Variants in PLEKHM3 observed in about 807,000 individuals in gnomAD.
PLEKHM3 encodes pleckstrin homology domain containing M3.
A neutral mutation model predicts 81.8 loss-of-function variants in PLEKHM3; 45 were observed. That is an observed-to-expected ratio of 0.55 (90% CI 0.43 to 0.71). PLEKHM3 has a LOEUF of 0.71. PLEKHM3 is among the 30% of genes least tolerant of loss of function. PLEKHM3 has a pLI of 0.00. For missense variants in PLEKHM3, 788 were observed against 924.3 expected (o/e 0.85, Z 1.91); for synonymous variants, 352 against 356.4 (o/e 0.99, Z 0.14).
rs760295595 is a variant in PLEKHM3, at chr2:207,861,252, C to T, written c.1961G>A (p.Gly654Glu). Residue 654 changes from glycine (G) to glutamate (E), a missense_variant, in exon 7 of 8, where the codon GGA becomes GAA. By Grantham distance (98) the Gly-to-Glu change is moderately conservative. Coordinates refer to ENST00000427836, the MANE Select transcript of PLEKHM3 (RefSeq NM_001080475.3). The part of the protein sequence containing the change: ...SLADLQQVIE[G>E]KLAPFLGKVI... The stretch of plus-strand genomic sequence containing the variant: ...CTTGCCCAAGAATGGAGCCAGCTTT[C>T]CCTCTATTACCTGCAGAAAGAGAAA... The T allele has an allele frequency of 3.1e-6, 5 of 1,613,916 alleles. 1 individual carries two copies. The South Asian group carries it at 5.5e-5, about 18-fold the overall frequency.
At chr2:207,899,701 C>T (rs1040949359) in intron 6 of PLEKHM3, among the ~76,000 whole-genome samples, 4 of 152,120 alleles carry the variant, frequency 2.6e-5, no homozygotes, top group Admixed American at 2.6e-4. Context: ...ACTCATTCTA[C>T]GAATGTTTTG....
rs2092224084 is a variant in PLEKHM3, at chr2:207,822,512, A to G, written c.*5807T>C. On this transcript the variant is annotated 3_prime_UTR_variant, in exon 8 of 8. Coordinates refer to ENST00000427836, the MANE Select transcript of PLEKHM3 (RefSeq NM_001080475.3). ...ACAAAAAGAGCGATTGAAGAACAGC[A>G]TAAAACAAAGTGAAAACATTATGTG... The G allele has an allele frequency of 6.5e-6, 1 of 153,100 alleles. No individual in the cohort carries two copies. The allele number at this position is 153,100 out of a possible 1,614,324, so 9.5% of individuals were successfully genotyped here.
At chr2:207,963,254 T>C (rs553872687) in intron 3 of PLEKHM3, among the ~76,000 whole-genome samples, 2 of 151,850 alleles carry the variant, frequency 1.3e-5, no homozygotes, top group South Asian at 4.2e-4. Context: ...GGCTCTAAGG[T>C]GGGTGAGCAG....
rs35082335 is a variant in PLEKHM3 at position 207,889,434 on chromosome 2, AACACACACAC to A, written c.1950+19070_1950+19079del. On this transcript the variant is annotated intron_variant, in intron 6 of 7. Coordinates refer to ENST00000427836, the MANE Select transcript of PLEKHM3 (RefSeq NM_001080475.3). ...TAAGAGCAGACAGGAGGTTTTTTTC[AACACACACAC>A]ACACACACACACACACACACACACA... Among the ~76,000 whole-genome samples, 412 of 129,236 alleles carry A rather than the reference AACACACACAC, an allele frequency of 3.2e-3. 4 individuals are homozygous for A. The highest frequency in any genetic ancestry group is 9.5e-3 in the African/African-American group (326 of 34,420). The allele number at this position is 129,236 out of a possible 152,430, so 84.8% of individuals were successfully genotyped here.
intron 7 of PLEKHM3, among the ~76,000 whole-genome samples, chr2:207,854,487 C>T (rs1339286937): frequency 6.6e-6 from 1 of 152,140 alleles, no homozygotes; most frequent in East Asian, 1.9e-4. Flanking sequence ...TTATTTATCA[C>T]ATTTATTTAT....
At chr2:207,866,079 T>G (rs1447203866) in intron 6 of PLEKHM3, among the ~76,000 whole-genome samples, 2 of 151,984 alleles carry the variant, frequency 1.3e-5, no homozygotes, top group Non-Finnish European at 2.9e-5. Context: ...GTCTTTTTTC[T>G]TAGATCCATC....
chr2:207,923,334 G>A (rs1689249179), intron 5 of PLEKHM3, among the ~76,000 whole-genome samples: 1 of 152,198 alleles, frequency 6.6e-6, no homozygotes, highest in South Asian at 2.1e-4. Flanking sequence ...ATAGCTAGGT[G>A]CGGTGGCTCA....
At chr2:207,990,897 G>A (rs1461530882) in intron 2 of PLEKHM3, among the ~76,000 whole-genome samples, 2 of 152,106 alleles carry the variant, frequency 1.3e-5, no homozygotes. Context: ...ACCTATGTCA[G>A]CTCTAGTGGA....
intron 3 of PLEKHM3, among the ~76,000 whole-genome samples, chr2:207,972,260 A>G: frequency 6.6e-6 from 1 of 151,946 alleles, no homozygotes; most frequent in Non-Finnish European, 1.5e-5. Context: ...TAGGCATGAT[A>G]ATAGTAGGTT....
chr2:207,943,885 A>G lies in PLEKHM3; in HGVS notation c.1692+2482T>C, dbSNP rs943944335. On this transcript the variant is annotated intron_variant, in intron 4 of 7. Transcript: ENST00000427836. ...TCCGTCTCAAAAAAAAAAAAAAAAAAAAAAAAGAAATGCTGTACCATATAG... is the reference window on the plus strand; with the variant it reads ...TCCGTCTCAAAAAAAAAAAAAAAAAGAAAAAAGAAATGCTGTACCATATAG... 2.0e-4 allele frequency among the ~76,000 whole-genome samples: 30 copies of G among 151,714 alleles called. 1 individual carries two copies. The highest frequency in any genetic ancestry group is 1.0e-3 in the South Asian group (5 of 4,812).
At chr2:207,878,562 C>G (rs1327332000) in intron 6 of PLEKHM3, among the ~76,000 whole-genome samples, 2 of 152,200 alleles carry the variant, frequency 1.3e-5, no homozygotes, top group African/African-American at 2.4e-5. Context: ...GAGCTGAGAT[C>G]GCGCCACTGC....
In PLEKHM3 at chr2:207,977,431, T is replaced by C. The variant is rs1199828368; in HGVS notation, c.766A>G (p.Thr256Ala). The C allele has an allele frequency of 3.1e-6, 5 of 1,614,200 alleles. No individual in the cohort carries two copies. In the Admixed American group the frequency reaches 8.3e-5, roughly 27 times the overall value. ...DSSGNQNLYA[T>A]YQLSHFQSIS... ...CTCTGGAAGTGTGAAAGCTGGTACGTGGCATAAAGGTTTTGATTCCCACTG... is the reference window on the plus strand; with the variant it reads ...CTCTGGAAGTGTGAAAGCTGGTACGCGGCATAAAGGTTTTGATTCCCACTG... Residue 256 changes from threonine (T) to alanine (A), a missense_variant, in exon 3 of 8, where the codon ACG (threonine) becomes GCG (alanine). Transcript: ENST00000427836.
chr2:207,933,826 T>C (rs1215180005), intron 4 of PLEKHM3, among the ~76,000 whole-genome samples: 1 of 152,224 alleles, frequency 6.6e-6, no homozygotes, highest in Non-Finnish European at 1.5e-5. Context: ...AGTAGGCATA[T>C]GGTGCACATC....
intron 3 of PLEKHM3, among the ~76,000 whole-genome samples, chr2:207,973,507 G>A (rs1325358672): frequency 6.6e-6 from 1 of 152,214 alleles, no homozygotes; most frequent in Non-Finnish European, 1.5e-5. Context: ...GGGAGGCTGA[G>A]GCAAGCGGAT....
chr2:207,825,918 T>C lies in PLEKHM3; in HGVS notation c.*2401A>G, dbSNP rs1329821456. ...TTAGCAGGGCCCTCTAAATGGGGAC[T>C]GGTGAAAACAAAGATGTTTTGAACG... On this transcript the variant is annotated 3_prime_UTR_variant, in exon 8 of 8. Transcript: ENST00000427836. 1 of 152,194 alleles carries C rather than the reference T, an allele frequency of 6.6e-6. No homozygotes were observed. Among genetic ancestry groups the C allele is most frequent in the Non-Finnish European group, 1.5e-5 (1 of 68,032 alleles). The allele number at this position is 152,194 out of a possible 1,614,324, so 9.4% of individuals were successfully genotyped here.
chr2:207,895,725 C>T (rs765902757), intron 6 of PLEKHM3, among the ~76,000 whole-genome samples: 1 of 152,172 alleles, frequency 6.6e-6, no homozygotes, highest in African/African-American at 2.4e-5. Flanking sequence ...GGAGGAAACC[C>T]GCTAGGTGGC....
rs1692875243 is a variant in PLEKHM3, at chr2:208,015,524, C to T, written c.-319+9865G>A. On this transcript the variant is annotated intron_variant, in intron 1 of 7. Transcript: ENST00000427836. ...CTTCTGTGTTATTATTATAAGTTCTCTACGGGAATGGTAGAAGACAGGTTC... is the reference window on the plus strand; with the variant it reads ...CTTCTGTGTTATTATTATAAGTTCTTTACGGGAATGGTAGAAGACAGGTTC... Among the ~76,000 whole-genome samples the T allele has an allele frequency of 2.0e-5, 3 of 152,082 alleles. No homozygotes were observed. In the South Asian group the frequency reaches 6.2e-4, roughly 32 times the overall value.
rs2092234680 is a variant in PLEKHM3 at position 207,824,032 on chromosome 2, C to T, written c.*4287G>A. 1 of 152,218 alleles carries T rather than the reference C, an allele frequency of 6.6e-6. No homozygotes were observed. Among genetic ancestry groups the T allele is most frequent in the South Asian group, 2.1e-4 (1 of 4,828 alleles). The allele number at this position is 152,218 out of a possible 1,614,324, so 9.4% of individuals were successfully genotyped here. A position where few individuals can be genotyped will look rare whatever the true frequency, so the allele number is the denominator to read the frequency against. ...ATTAACCGAGCAGAGCTTAGTCACC[C>T]ATCACTGGATTCGACCTCGAGCAGA... is the stretch of plus-strand genomic sequence containing the variant. On this transcript the variant is annotated 3_prime_UTR_variant, in exon 8 of 8. Transcript: ENST00000427836.
intron 7 of PLEKHM3, among the ~76,000 whole-genome samples, chr2:207,836,318 TAAAAA>T (rs34489704): frequency 1.5e-5 from 2 of 131,852 alleles, no homozygotes; most frequent in African/African-American, 2.8e-5. Context: ...AGAGAGAGTC[TAAAAA>T]AAAAAAAAAA....
Sources: gnomAD v4.1 joint callset for allele counts (sites outside exome capture counted in the v4.1 genomes callset) on GRCh38, gnomAD v4.1.1 for gene constraint, MANE v1.5 for transcripts, NCBI Gene and HGNC (gene_info 2026-07-23, HGNC 2026-07-21) for gene names.